FAM53A: variants seen among roughly 807,000 people sequenced by gnomAD.
The protein encoded by FAM53A is protein FAM53A.
FAM53A carries 28 observed loss-of-function variants against 26.6 expected under a neutral mutation model. The ratio of observed to expected loss-of-function variants is 1.05; its 90% CI spans 0.78 to 1.45. FAM53A has a LOEUF of 1.45. FAM53A is among the 40% of genes most tolerant of loss of function. The pLI, the probability that FAM53A is intolerant of heterozygous loss-of-function variation, is 0.00. For synonymous variants in FAM53A, 290 were observed against 253.1 expected (o/e 1.15, Z -1.38); for missense variants, 650 against 575.8 (o/e 1.13, Z -1.32).
the FAM53A span, among the ~76,000 whole-genome samples, chr4:1,580,558 A>ACCTCCCGCCCTAGGCTCCG: frequency 1.5e-5 from 1 of 67,604 alleles, no homozygotes; most frequent in African/African-American, 7.3e-5. Context: ...GCCGGGCCCC[A>ACCTCCCGCCCTAGGCTCCG]CCTCCCGCCC....
rs1335751594 is a variant in FAM53A at position 1,655,111 on chromosome 4, C to G, written c.749G>C (p.Gly250Ala). Reference sequence around the variant, plus strand: ...GCACCGGAGCAGCCCACGGCGCCCGCCCAGCGCAGGCGTGGACGTGGGGCT... The same window carrying G: ...GCACCGGAGCAGCCCACGGCGCCCGGCCAGCGCAGGCGTGGACGTGGGGCT... ...SSSPTSTPALGGRRGLLRCRS... is the reference protein window; with the variant it reads ...SSSPTSTPALAGRRGLLRCRS... The change falls in exon 4 of 5, where the codon GGC (glycine) becomes GCC (alanine). Residue 250 changes from glycine (G) to alanine (A), a missense_variant. Transcript: ENST00000308132. 2 of 1,600,602 alleles carry G rather than the reference C, an allele frequency of 1.2e-6. No homozygotes were observed. Among genetic ancestry groups the G allele is most frequent in the Non-Finnish European group, 1.7e-6 (2 of 1,173,628 alleles).
intron 1 of FAM53A, among the ~76,000 whole-genome samples, chr4:1,677,677 C>T (rs574004701): frequency 1.3e-4 from 20 of 152,324 alleles, no homozygotes; most frequent in African/African-American, 4.6e-4. Flanking sequence ...GCTGTCAACA[C>T]GCTGTCTCAC....
chr4:1,633,762 G>A lies in FAM53A; in HGVS notation c.432-15651C>T, dbSNP rs190240403. On this transcript the variant is annotated intron_variant, in intron 1 of 1. Coordinates refer to the FAM53A transcript ENST00000489029. ...ATCAGAGCAGCCCAGGAGATTGAAAGTGACAGCTAATGCATTCGATATTCC... is the reference window on the plus strand; with the variant it reads ...ATCAGAGCAGCCCAGGAGATTGAAAATGACAGCTAATGCATTCGATATTCC... 2.9e-3 allele frequency among the ~76,000 whole-genome samples: 437 copies of A among 152,240 alleles called. 3 individuals are homozygous for A. Among genetic ancestry groups the A allele is most frequent in the African/African-American group, 0.01 (421 of 41,538 alleles).
At chr4:1,611,323 C>T in the FAM53A span, among the ~76,000 whole-genome samples, 1 of 152,200 alleles carries the variant, frequency 6.6e-6, no homozygotes, top group Admixed American at 6.5e-5. Context: ...GGGCCCCCGC[C>T]ACCCCAGTTC....
intron 1 of FAM53A, among the ~76,000 whole-genome samples, chr4:1,677,236 G>A (rs970398079): frequency 6.6e-6 from 1 of 152,172 alleles, no homozygotes; most frequent in African/African-American, 2.4e-5. Flanking sequence ...TGCTCAAGGC[G>A]CCTCAAGCAA....
intron 4 of FAM53A, among the ~76,000 whole-genome samples, chr4:1,642,316 G>A (rs1711785053): frequency 6.6e-6 from 1 of 152,146 alleles, no homozygotes; most frequent in South Asian, 2.1e-4. Flanking sequence ...CATCCCAGGC[G>A]AGTAGCTTCC....
chr4:1,628,037 CGG>C (rs1715388383), intron 1 of FAM53A, among the ~76,000 whole-genome samples: 3 of 5,154 alleles, frequency 5.8e-4, no homozygotes, highest in Non-Finnish European at 3.6e-4. Flanking sequence ...GAGGGTGGCA[CGG>C]GGGGAGGGTG....
chr4:1,647,564 C>A (rs1577110886), intron 4 of FAM53A, among the ~76,000 whole-genome samples: 1 of 152,202 alleles, frequency 6.6e-6, no homozygotes, highest in East Asian at 1.9e-4. Flanking sequence ...CATAGGAGCC[C>A]TGCAGGGTGA....
chr4:1,597,714 AGCC>A, the FAM53A span, among the ~76,000 whole-genome samples: 2 of 152,224 alleles, frequency 1.3e-5, no homozygotes, highest in African/African-American at 4.8e-5. Flanking sequence ...ACTGAGGACC[AGCC>A]GGGCGCGGTG....
chr4:1,599,626 G>A, the FAM53A span, among the ~76,000 whole-genome samples: 1 of 152,148 alleles, frequency 6.6e-6, no homozygotes, highest in Non-Finnish European at 1.5e-5. The surrounding 1 kb of genome is among the most constrained non-coding windows in gnomAD (Gnocchi z 6.1). Flanking sequence ...CCCTACCTCT[G>A]CAAGAGCCTA....
chr4:1,583,873 CCT>C, the FAM53A span, among the ~76,000 whole-genome samples: 2 of 152,242 alleles, frequency 1.3e-5, no homozygotes, highest in Admixed American at 6.5e-5. Context: ...CTAATTTTTG[CCT>C]CTCTGATGGG....
At chr4:1,619,204 T>C (rs901048908) in intron 1 of FAM53A, among the ~76,000 whole-genome samples, 1 of 152,228 alleles carries the variant, frequency 6.6e-6, no homozygotes, top group Non-Finnish European at 1.5e-5. Flanking sequence ...CACTGAACTT[T>C]GCAGCCACAG....
the FAM53A span, among the ~76,000 whole-genome samples, chr4:1,608,942 C>T: frequency 2.1e-4 from 32 of 152,028 alleles, no homozygotes; most frequent in Non-Finnish European, 1.2e-4. Flanking sequence ...GGAGGCGGGG[C>T]CCAAGGAGGA....
intron 4 of FAM53A, among the ~76,000 whole-genome samples, chr4:1,651,511 A>C (rs1467013135): frequency 2.8e-5 from 4 of 141,996 alleles, no homozygotes; most frequent in Middle Eastern, 3.4e-3. Flanking sequence ...CAGCCTGGGC[A>C]AAAAGAGCGA....
chr4:1,641,364 T>C lies in FAM53A; in HGVS notation c.1126A>G (p.Ser376Gly). The change falls in exon 5 of 5, where the codon AGT (serine) becomes GGT (glycine). Residue 376 changes from serine (S) to glycine (G), a missense_variant. Coordinates refer to ENST00000308132, the MANE Select transcript of FAM53A (RefSeq NM_001174070.3). Reference sequence around the variant, plus strand: ...GGGAAGACGCCCTCCTCCCCGACACTGTCCCCATCACGGGGGTCCCCGCTG... The same window carrying C: ...GGGAAGACGCCCTCCTCCCCGACACCGTCCCCATCACGGGGGTCCCCGCTG... ...RSSGDPRDGD[S>G]VGEEGVFPRA... The C allele has an allele frequency of 6.2e-7, 1 of 1,611,022 alleles. No individual in the cohort carries two copies. The highest frequency in any genetic ancestry group is 8.5e-7 in the Non-Finnish European group (1 of 1,179,172).
the FAM53A span, among the ~76,000 whole-genome samples, chr4:1,587,920 G>A: frequency 9.4e-4 from 143 of 152,028 alleles, 1 homozygote; most frequent in Admixed American, 3.3e-3. Context: ...ATAAATGTAG[G>A]GTAATTCCCC....
chr4:1,620,036 C>G (rs895693723), intron 1 of FAM53A, among the ~76,000 whole-genome samples: 1 of 151,890 alleles, frequency 6.6e-6, no homozygotes, highest in Admixed American at 6.6e-5. Context: ...GGTGAAACCC[C>G]GTCTCTACTA....
the FAM53A span, among the ~76,000 whole-genome samples, chr4:1,596,961 G>C: frequency 6.6e-6 from 1 of 152,082 alleles, no homozygotes; most frequent in Non-Finnish European, 1.5e-5. Flanking sequence ...GGCTCGCCCT[G>C]GGCAGCTCCG....
intron 4 of FAM53A, among the ~76,000 whole-genome samples, chr4:1,642,930 C>T (rs902782970): frequency 2.0e-5 from 3 of 152,212 alleles, no homozygotes; most frequent in South Asian, 2.1e-4. Context: ...GCCATGATGC[C>T]GATGACAAGG....
Sources: allele counts gnomAD v4.1 joint callset (sites outside exome capture counted in the v4.1 genomes callset), GRCh38; gene constraint gnomAD v4.1.1; non-coding constraint Gnocchi (gnomAD v3.1); transcripts MANE v1.5; gene names NCBI Gene and HGNC (gene_info 2026-07-23, HGNC 2026-07-21).